Variants in GRIA2 observed in about 807,000 individuals in gnomAD.
GRIA2 encodes the protein glutamate ionotropic receptor AMPA type subunit 2.
Under a neutral mutation model 97.3 loss-of-function variants are expected in GRIA2, and 14 were observed. That is an observed-to-expected ratio of 0.14 (90% CI 0.10 to 0.23). GRIA2 has a LOEUF of 0.23. Ranked by LOEUF, GRIA2 falls within the 10% of genes least tolerant of loss-of-function variation. The pLI is 1.00. For missense variants in GRIA2, 558 were observed against 1,069.8 expected, an observed-to-expected ratio of 0.52 and a Z score of 6.67; for synonymous variants, 412 against 387.8, an observed-to-expected ratio of 1.06 and a Z score of -0.73.
chr4:157,237,964 G>A (rs1289498475), intron 2 of GRIA2, among the ~76,000 whole-genome samples: 1 of 152,058 alleles, frequency 6.6e-6, no homozygotes, highest in East Asian at 1.9e-4. Flanking sequence ...TCACTTTGAA[G>A]TTAATTCAGT....
chr4:157,303,905 T>C, intron 3 of GRIA2, 114 bp downstream of exon 3: 1 of 1,091,056 alleles, frequency 9.2e-7, no homozygotes, highest in Non-Finnish European at 1.3e-6. Context: ...GATCCCTTGG[T>C]TTAATTTTGC....
chr4:157,362,051 T>C (rs1736653568), intron 14 of GRIA2, among the ~76,000 whole-genome samples: 2 of 152,150 alleles, frequency 1.3e-5, no homozygotes, highest in Non-Finnish European at 1.5e-5. Flanking sequence ...GTATCACTGA[T>C]TGGCAAGACT....
intron 2 of GRIA2, among the ~76,000 whole-genome samples, chr4:157,289,068 T>C (rs765440286): frequency 6.6e-6 from 1 of 151,816 alleles, no homozygotes; most frequent in Non-Finnish European, 1.5e-5. Flanking sequence ...AGAAAGTACA[T>C]TGGAGCTCTG....
At chr4:157,233,812 A>G (rs1319954877) in intron 2 of GRIA2, among the ~76,000 whole-genome samples, 5 of 152,082 alleles carry the variant, frequency 3.3e-5, no homozygotes, top group Admixed American at 3.3e-4. Flanking sequence ...AAACACTTCC[A>G]TATCTGGTTG....
At chr4:157,354,574 T>C (rs1736164544) in intron 12 of GRIA2, among the ~76,000 whole-genome samples, 1 of 152,200 alleles carries the variant, frequency 6.6e-6, no homozygotes, top group Non-Finnish European at 1.5e-5. Flanking sequence ...AGTCAAAGTA[T>C]GCACCAGATT....
intron 11 of GRIA2, among the ~76,000 whole-genome samples, chr4:157,339,094 A>G (rs1322914371): frequency 6.6e-6 from 1 of 152,020 alleles, no homozygotes; most frequent in Admixed American, 6.6e-5. Context: ...AATTAAGTTT[A>G]GAATATCTTA....
At chr4:157,299,824 C>A (rs1475253452) in intron 2 of GRIA2, among the ~76,000 whole-genome samples, 1 of 152,152 alleles carries the variant, frequency 6.6e-6, no homozygotes, top group South Asian at 2.1e-4. Context: ...TCAGTGAGAG[C>A]ATCTTTACTT....
chr4:157,360,611 T>C (rs1253974414), intron 13 of GRIA2: 2 of 440,918 alleles, frequency 4.5e-6, no homozygotes, highest in Non-Finnish European at 8.9e-6. Flanking sequence ...GGATATACTT[T>C]GGGGAAAGGA....
intron 12 of GRIA2, among the ~76,000 whole-genome samples, chr4:157,341,825 C>T (rs1393479304): frequency 6.6e-6 from 1 of 152,072 alleles, no homozygotes. Context: ...CTGCATGTAT[C>T]TTACCTAGTT....
intron 2 of GRIA2, among the ~76,000 whole-genome samples, chr4:157,245,202 C>T (rs1730674781): frequency 6.6e-6 from 1 of 151,908 alleles, no homozygotes; most frequent in South Asian, 2.1e-4. Context: ...AAGCTGTGAT[C>T]TTCCTATAAT....
At chr4:157,351,384 C>T (rs1387336669) in intron 12 of GRIA2, among the ~76,000 whole-genome samples, 1 of 152,126 alleles carries the variant, frequency 6.6e-6, no homozygotes, top group Non-Finnish European at 1.5e-5. Context: ...TCTACATTAT[C>T]AGTTCACATT....
At chr4:157,331,538 A>G in intron 6 of GRIA2, among the ~76,000 whole-genome samples, 1 of 152,004 alleles carries the variant, frequency 6.6e-6, no homozygotes, top group Non-Finnish European at 1.5e-5. Context: ...AAAACAAATT[A>G]ATCAATTTTT....
At chr4:157,263,574 T>C (rs2126773931) in intron 2 of GRIA2, among the ~76,000 whole-genome samples, 1 of 152,268 alleles carries the variant, frequency 6.6e-6, no homozygotes, top group South Asian at 2.1e-4. Flanking sequence ...TTGCTACTTC[T>C]GAAGATTTTA....
At chr4:157,228,238 CATT>C (rs1729836604) in intron 2 of GRIA2, among the ~76,000 whole-genome samples, 1 of 152,116 alleles carries the variant, frequency 6.6e-6, no homozygotes, top group African/African-American at 2.4e-5. Flanking sequence ...CTTATCATAA[CATT>C]ATAATTTTTA....
chr4:157,244,079 G>C (rs995112502), intron 2 of GRIA2, among the ~76,000 whole-genome samples: 2 of 152,030 alleles, frequency 1.3e-5, no homozygotes, highest in African/African-American at 4.8e-5. Context: ...GACCTGAGCT[G>C]AGACCAGGAA....
At chr4:157,288,153 T>C (rs1732930911) in intron 2 of GRIA2, among the ~76,000 whole-genome samples, 1 of 151,680 alleles carries the variant, frequency 6.6e-6, no homozygotes. Flanking sequence ...ATAAGCAGAA[T>C]CACAAATTCT....
At chr4:157,294,661 A>G (rs916487279) in intron 2 of GRIA2, among the ~76,000 whole-genome samples, 52 of 152,196 alleles carry the variant, frequency 3.4e-4, no homozygotes, top group African/African-American at 1.2e-3. Flanking sequence ...ACTACCTGAC[A>G]TTTTCTAGAA....
intron 2 of GRIA2, among the ~76,000 whole-genome samples, chr4:157,270,785 C>T (rs769433550): frequency 4.0e-4 from 61 of 151,918 alleles, no homozygotes; most frequent in African/African-American, 1.2e-4. Flanking sequence ...AGAAGAGAAG[C>T]GAAGCATTGA....
At chr4:157,237,683 G>C (rs1209188368) in intron 2 of GRIA2, among the ~76,000 whole-genome samples, 1 of 152,104 alleles carries the variant, frequency 6.6e-6, no homozygotes, top group African/African-American at 2.4e-5. Context: ...TACAAGCAAA[G>C]AGATGTAAAG....
Sources: gnomAD v4.1 joint callset for allele counts (sites outside exome capture counted in the v4.1 genomes callset) on GRCh38, gnomAD v4.1.1 for gene constraint, MANE v1.5 for transcripts, NCBI Gene and HGNC (gene_info 2026-07-23, HGNC 2026-07-21) for gene names.